Variants in ERP29 observed in about 807,000 individuals in gnomAD.
ERP29 encodes the protein endoplasmic reticulum protein 29.
In ERP29, 14 loss-of-function variants were observed where a neutral mutation model predicts 21.7. The ratio of observed to expected loss-of-function variants is 0.64; its 90% confidence interval spans 0.43 to 1.01. The LOEUF is 1.01. Ranked by LOEUF, ERP29 falls within the 50% of genes least tolerant of loss-of-function variation. The probability of loss-of-function intolerance (pLI) is 0.00; values close to 1 mark genes in which losing one functional copy is unlikely to be tolerated. For synonymous variants in ERP29, 129 were observed against 139.1 expected, an observed-to-expected ratio of 0.93 and a Z score of 0.51; for missense variants, 286 against 327.3, an observed-to-expected ratio of 0.87 and a Z score of 0.97.
In ERP29 at chr12:112,023,396, CACTA is replaced by C. The variant is rs1565990155; in HGVS notation, c.*746_*749del. On this transcript the variant is annotated 3_prime_UTR_variant, in exon 3 of 3. Transcript: ENST00000261735. ...AAATATTTTCCATCTAAATCACTATCACTAAATAAATACTAACTTCTAGAAAGCA... is the reference window on the plus strand; with the variant it reads ...AAATATTTTCCATCTAAATCACTATCAATAAATACTAACTTCTAGAAAGCA... The C allele has an allele frequency of 6.6e-6, 1 of 152,214 alleles. No individual in the cohort carries two copies. Among genetic ancestry groups the C allele is most frequent in the Non-Finnish European group, 1.5e-5 (1 of 68,042 alleles). 9.4% of individuals were successfully genotyped at this position (152,214 alleles called of 1,614,324 possible). A position where few individuals can be genotyped will look rare whatever the true frequency, so the allele number is the denominator to read the frequency against.
At chr12:112,015,490 A>C (rs77803332) in intron 1 of ERP29, among the ~76,000 whole-genome samples, 1 of 147,384 alleles carries the variant, frequency 6.8e-6, no homozygotes, top group Non-Finnish European at 1.5e-5. Flanking sequence ...CTCTGTCTCA[A>C]AAAAAAAAAA....
chr12:112,022,919 G>C lies in ERP29; in HGVS notation c.*267G>C, dbSNP rs1213842741. 3 of 446,726 alleles carry C rather than the reference G, an allele frequency of 6.7e-6. No homozygotes were observed. The highest frequency in any genetic ancestry group is 1.2e-5 in the Non-Finnish European group (3 of 249,750). 27.7% of individuals were successfully genotyped at this position (446,726 alleles called of 1,614,324 possible). ...AATGAGTGCTATAGAGAGGAGAGAG[G>C]AGTGTACTGCCCAGGTCTTTGACAG... On this transcript the variant is annotated 3_prime_UTR_variant, in exon 3 of 3. Transcript: ENST00000261735.
At position 112,022,291 on chromosome 12, in the gene ERP29, A is replaced by G. The variant is rs532086881; in HGVS notation, c.425A>G (p.Gln142Arg). Residue 142 changes from glutamine (Q) to arginine (R), a missense_variant, in exon 3 of 3, where the codon CAG (glutamine) becomes CGG (arginine). Gln to Arg is a conservative substitution (Grantham distance 43). Transcript: ENST00000261735. ...YTGAVKVGAI[Q>R]RWLKGQGVYL... The stretch of plus-strand genomic sequence containing the variant: ...GGGGCAGTTAAGGTTGGAGCCATCC[A>G]GCGCTGGCTGAAGGGGCAAGGGGTC... 4 of 1,612,900 alleles carry G rather than the reference A, an allele frequency of 2.5e-6. No individual in the cohort carries two copies. The South Asian group carries it at 3.3e-5, about 13-fold the overall frequency.
At chr12:112,021,094 A>G (rs2078041796) in intron 2 of ERP29, among the ~76,000 whole-genome samples, 1 of 152,194 alleles carries the variant, frequency 6.6e-6, no homozygotes, top group Non-Finnish European at 1.5e-5. Context: ...ACCACATATT[A>G]AGCATATAAC....
chr12:112,021,944 G>A (rs1052599656), intron 2 of ERP29, among the ~76,000 whole-genome samples: 1 of 152,194 alleles, frequency 6.6e-6, no homozygotes, highest in African/African-American at 2.4e-5. Context: ...GAACAGTTCA[G>A]AGAGTTTAAA....
chr12:112,017,808 G>T, intron 1 of ERP29, among the ~76,000 whole-genome samples: 1 of 142,114 alleles, frequency 7.0e-6, no homozygotes, highest in African/African-American at 2.7e-5. Context: ...TTTTGAGGTG[G>T]AGTTTCATTC....
intron 1 of ERP29, among the ~76,000 whole-genome samples, chr12:112,017,994 AG>A: frequency 6.6e-6 from 1 of 152,030 alleles, no homozygotes. Flanking sequence ...CACGTTGGCC[AG>A]GCTGGTCTTC....
rs1272220975 is a variant in ERP29 at position 112,022,918 on chromosome 12, G to C, written c.*266G>C. The C allele has an allele frequency of 2.2e-6, 1 of 446,376 alleles. No individual in the cohort carries two copies. Among genetic ancestry groups the C allele is most frequent in the Admixed American group, 3.8e-5 (1 of 26,218 alleles). 27.7% of individuals were successfully genotyped at this position (446,376 alleles called of 1,614,324 possible). A position where few individuals can be genotyped will look rare whatever the true frequency, so the allele number is the denominator to read the frequency against. Reference sequence around the variant, plus strand: ...GAATGAGTGCTATAGAGAGGAGAGAGGAGTGTACTGCCCAGGTCTTTGACA... The same window carrying C: ...GAATGAGTGCTATAGAGAGGAGAGACGAGTGTACTGCCCAGGTCTTTGACA... On this transcript the variant is annotated 3_prime_UTR_variant, in exon 3 of 3. Coordinates refer to ENST00000261735, the MANE Select transcript of ERP29 (RefSeq NM_006817.4).
Position 112,013,449 on chromosome 12 carries a change from T to C in ERP29, c.-17T>C, listed in dbSNP as rs1412194114. 1 of 1,605,462 alleles carries C rather than the reference T, an allele frequency of 6.2e-7. No individual in the cohort carries two copies. Among genetic ancestry groups the C allele is most frequent in the East Asian group, 2.2e-5 (1 of 44,668 alleles). On this transcript the variant is annotated 5_prime_UTR_variant, in exon 1 of 3. Transcript: ENST00000261735. ...CCACTATCGCTTACCTACCTCCCTC[T>C]GCAGGAACCCGGCGATATGGCTGCC...
At position 112,022,757 on chromosome 12, in the gene ERP29, G is replaced by C; in HGVS notation, c.*105G>C. On this transcript the variant is annotated 3_prime_UTR_variant, in exon 3 of 3. Coordinates refer to ENST00000261735, the MANE Select transcript of ERP29 (RefSeq NM_006817.4). ...AATATAAGGGGGTAGTGGGAAAAGTGGTACTAACCCACGATTCTGAGCCCT... is the reference window on the plus strand; with the variant it reads ...AATATAAGGGGGTAGTGGGAAAAGTCGTACTAACCCACGATTCTGAGCCCT... 1 of 1,183,828 alleles carries C rather than the reference G, an allele frequency of 8.4e-7. No homozygotes were observed. Among genetic ancestry groups the C allele is most frequent in the Non-Finnish European group, 1.2e-6 (1 of 846,012 alleles). The allele number at this position is 1,183,828 out of a possible 1,614,324, so 73.3% of individuals were successfully genotyped here.
chr12:112,017,101 C>T (rs912303490), intron 1 of ERP29, among the ~76,000 whole-genome samples: 2 of 152,036 alleles, frequency 1.3e-5, no homozygotes, highest in African/African-American at 2.4e-5. Flanking sequence ...GTAGGTATCC[C>T]GTGTTTTGCT....
At chr12:112,014,254 C>T (rs946245497) in intron 1 of ERP29, among the ~76,000 whole-genome samples, 2 of 152,236 alleles carry the variant, frequency 1.3e-5, no homozygotes, top group African/African-American at 4.8e-5. Flanking sequence ...GGCGAGCTAG[C>T]ACTACAGCCT....
chr12:112,015,349 G>T (rs1336779816), intron 1 of ERP29: 2 of 151,880 alleles, frequency 1.3e-5, no homozygotes, highest in African/African-American at 2.4e-5. Context: ...TTAGCTGGGC[G>T]TGGTGGCGGG....
intron 1 of ERP29, among the ~76,000 whole-genome samples, chr12:112,016,289 C>T (rs2078012018): frequency 6.6e-6 from 1 of 152,216 alleles, no homozygotes. Flanking sequence ...AGGAAATGTA[C>T]TAGTGTTCTG....
In ERP29 at chr12:112,013,454, G is replaced by A. The variant is rs776777088; in HGVS notation, c.-12G>A. 2.2e-5 allele frequency: 36 copies of A among 1,606,906 alleles called. No individual in the cohort carries two copies. In the South Asian group the frequency reaches 3.4e-4, roughly 15 times the overall value. ...ATCGCTTACCTACCTCCCTCTGCAG[G>A]AACCCGGCGATATGGCTGCCGCTGT... is the stretch of plus-strand genomic sequence containing the variant. On this transcript the variant is annotated 5_prime_UTR_variant, in exon 1 of 3. Transcript: ENST00000261735.
At chr12:112,022,023 C>T (rs2078050123) in intron 2 of ERP29, 127 bp from the exon 3 acceptor site, 2 of 836,930 alleles carry the variant, frequency 2.4e-6, no homozygotes, top group African/African-American at 1.7e-5. Context: ...TGTATGGTTG[C>T]TCCTCACTTT....
rs890813869 is a variant in ERP29 at position 112,016,747 on chromosome 12, C to T, written c.145-3009C>T. Among the ~76,000 whole-genome samples, 6 of 151,982 alleles carry T rather than the reference C, an allele frequency of 3.9e-5. No individual in the cohort carries two copies. In the South Asian group the frequency reaches 6.2e-4, roughly 16 times the overall value. ...CTACTAAAAATACAAAAAAATTAGC[C>T]GGACGTGGTGGCGGGCACCTGTAGT... On this transcript the variant is annotated intron_variant, in intron 1 of 2. Transcript: ENST00000261735.
chr12:112,019,744 A>G lies in ERP29; in HGVS notation c.145-12A>G, dbSNP rs761350938. The G allele has an allele frequency of 8.7e-6, 14 of 1,613,922 alleles. No homozygotes were observed. The highest frequency in any genetic ancestry group is 5.5e-5 in the South Asian group (5 of 91,080). On this transcript the variant is annotated splice_polypyrimidine_tract_variant and intron_variant, in intron 1 of 2. Transcript: ENST00000261735. ...CTGGAACACCCACTTGCTCAGCTCT[A>G]TACGCCCTCAGGTCATTCCCAAAAG...
At chr12:112,015,411 C>A (rs998168946) in intron 1 of ERP29, 6 of 152,096 alleles carry the variant, frequency 3.9e-5, no homozygotes, top group African/African-American at 1.2e-4. Flanking sequence ...TTGCTTGAAC[C>A]TGGGAGGTGG....
Sources: gnomAD v4.1 joint callset for allele counts (sites outside exome capture counted in the v4.1 genomes callset) on GRCh38, gnomAD v4.1.1 for gene constraint, MANE v1.5 for transcripts, NCBI Gene and HGNC (gene_info 2026-07-23, HGNC 2026-07-21) for gene names.